Variants in TRPM3 observed in about 807,000 individuals in gnomAD.
The protein encoded by TRPM3 is long transient receptor potential channel 3.
TRPM3 carries 77 observed loss-of-function variants against 181.2 expected under a neutral mutation model. That is an observed-to-expected ratio of 0.42 (90% CI 0.35 to 0.51). The LOEUF (loss-of-function observed/expected upper bound fraction) is 0.51, where lower values mean the gene tolerates loss of function less well. Among genes scored for constraint, TRPM3 ranks in the 20% least tolerant of loss-of-function variants. The pLI is 0.01. For missense variants in TRPM3, 1,759 were observed against 2,196.7 expected (o/e 0.80, Z 3.98); for synonymous variants, 745 against 796.4 (o/e 0.94, Z 1.09).
intron 1 of TRPM3, among the ~76,000 whole-genome samples, chr9:70,902,507 A>T (rs979078162): frequency 6.6e-6 from 1 of 152,164 alleles, no homozygotes; most frequent in African/African-American, 2.4e-5. Context: ...AAAGAGACAC[A>T]TATTTGTTGC....
intron 1 of TRPM3, among the ~76,000 whole-genome samples, chr9:71,354,041 C>T (rs1483369199): frequency 6.6e-6 from 1 of 152,088 alleles, no homozygotes; most frequent in African/African-American, 2.4e-5. Flanking sequence ...AAGATCCAGG[C>T]CACTCATCAT....
intron 19 of TRPM3, among the ~76,000 whole-genome samples, chr9:70,606,647 G>GTA (rs1358278678): frequency 1.1e-3 from 90 of 85,310 alleles, no homozygotes; most frequent in African/African-American, 2.9e-3. Context: ...GTGTGTGTGT[G>GTA]TGTGTATATA....
intron 1 of TRPM3, among the ~76,000 whole-genome samples, chr9:71,021,742 C>T (rs1426986477): frequency 6.6e-6 from 1 of 152,026 alleles, no homozygotes; most frequent in East Asian, 1.9e-4. Flanking sequence ...GATGAAGCTT[C>T]CAGGATTCCT....
intron 1 of TRPM3, among the ~76,000 whole-genome samples, chr9:71,011,612 C>T (rs1777683055): frequency 1.3e-5 from 2 of 151,736 alleles, no homozygotes; most frequent in South Asian, 4.2e-4. Flanking sequence ...AGTATTTTCT[C>T]CAAATTTTAA....
intron 1 of TRPM3, among the ~76,000 whole-genome samples, chr9:70,898,602 G>T (rs1205965366): frequency 6.7e-6 from 1 of 150,364 alleles, no homozygotes; most frequent in Non-Finnish European, 1.5e-5. Context: ...ACAAAAATTA[G>T]CCAGGCATGT....
intron 1 of TRPM3, among the ~76,000 whole-genome samples, chr9:71,080,684 A>C (rs1467275548): frequency 6.6e-6 from 1 of 152,146 alleles, no homozygotes; most frequent in Admixed American, 6.5e-5. Flanking sequence ...TCTCTCCTTC[A>C]GGGTCCTAGG....
intron 8 of TRPM3, among the ~76,000 whole-genome samples, chr9:70,700,773 T>C (rs368046560): frequency 4.6e-4 from 70 of 152,342 alleles, no homozygotes; most frequent in African/African-American, 1.4e-3. Flanking sequence ...TTGCCTATCA[T>C]AGCAATAAGG....
chr9:71,176,324 T>C (rs2077105788), intron 1 of TRPM3, among the ~76,000 whole-genome samples: 1 of 152,144 alleles, frequency 6.6e-6, no homozygotes. Flanking sequence ...ATCCTGACCC[T>C]GTGCAGGCCT....
At chr9:71,402,518 T>C (rs2093360327) in intron 1 of TRPM3, among the ~76,000 whole-genome samples, 1 of 152,130 alleles carries the variant, frequency 6.6e-6, no homozygotes, top group Non-Finnish European at 1.5e-5. Flanking sequence ...GATAATCCAT[T>C]AACAGGCATT....
intron 1 of TRPM3, among the ~76,000 whole-genome samples, chr9:70,951,841 A>G (rs1671485177): frequency 2.0e-5 from 3 of 152,248 alleles, no homozygotes; most frequent in African/African-American, 7.2e-5. Flanking sequence ...CAAAGAAGCC[A>G]TATCGAGTCA....
intron 1 of TRPM3, among the ~76,000 whole-genome samples, chr9:71,364,126 A>C (rs1044904496): frequency 6.6e-6 from 1 of 152,156 alleles, no homozygotes; most frequent in Non-Finnish European, 1.5e-5. Flanking sequence ...AAACCAAAAC[A>C]AGAAAAAGGA....
chr9:70,998,172 C>T (rs12378248), intron 1 of TRPM3, among the ~76,000 whole-genome samples: 1 of 136,874 alleles, frequency 7.3e-6, no homozygotes, highest in African/African-American at 2.7e-5. Context: ...TACATATATA[C>T]ACATATATAT....
rs2041400328 is a variant in TRPM3 at position 70,534,919 on chromosome 9, G to A, written c.*1034C>T. 6.5e-6 allele frequency: 1 copy of A among 153,170 alleles called. No homozygotes were observed. The highest frequency in any genetic ancestry group is 1.5e-5 in the Non-Finnish European group (1 of 68,828). 9.5% of individuals were successfully genotyped at this position (153,170 alleles called of 1,614,324 possible). ...GCAGTTACGTCTTGGAGGTGTTCAG[G>A]AGGACGTGGTGGAGCCATGCAAATG... On this transcript the variant is annotated 3_prime_UTR_variant, in exon 26 of 26. Coordinates refer to ENST00000677713, the MANE Select transcript of TRPM3 (RefSeq NM_001366145.2).
chr9:71,021,249 A>G (rs573872654), intron 1 of TRPM3, among the ~76,000 whole-genome samples: 105 of 152,352 alleles, frequency 6.9e-4, no homozygotes, highest in African/African-American at 1.5e-3. Flanking sequence ...GAGGTAGTAC[A>G]TATGAGATTT....
intron 1 of TRPM3, among the ~76,000 whole-genome samples, chr9:71,308,665 G>T (rs2087618430): frequency 6.6e-6 from 1 of 152,136 alleles, no homozygotes; most frequent in Non-Finnish European, 1.5e-5. Flanking sequence ...GGGGTTTTTT[G>T]ACATAAATAG....
At chr9:70,894,786 A>G (rs994250569) in intron 1 of TRPM3, among the ~76,000 whole-genome samples, 2 of 152,230 alleles carry the variant, frequency 1.3e-5, no homozygotes, top group African/African-American at 4.8e-5. Flanking sequence ...TATCATAACA[A>G]CATCACTTAG....
intron 6 of TRPM3, among the ~76,000 whole-genome samples, chr9:70,805,208 TGA>T (rs1041382148): frequency 1.5e-5 from 1 of 67,460 alleles, no homozygotes; most frequent in Non-Finnish European, 2.9e-5. Context: ...GAGGGTGGGG[TGA>T]GAGAGAGACT....
intron 1 of TRPM3, among the ~76,000 whole-genome samples, chr9:71,220,777 G>C (rs1254259005): frequency 6.6e-6 from 1 of 152,050 alleles, no homozygotes; most frequent in Non-Finnish European, 1.5e-5. Context: ...GTCTACACAC[G>C]AAAATACCTG....
intron 1 of TRPM3, among the ~76,000 whole-genome samples, chr9:71,438,303 C>T (rs909634105): frequency 1.3e-5 from 2 of 152,208 alleles, no homozygotes; most frequent in Non-Finnish European, 1.5e-5. Flanking sequence ...CAAGTAAATA[C>T]AGTTCTAACT....
Sources: gnomAD v4.1 joint callset for allele counts (sites outside exome capture counted in the v4.1 genomes callset) on GRCh38, gnomAD v4.1.1 for gene constraint, MANE v1.5 for transcripts, NCBI Gene and HGNC (gene_info 2026-07-23, HGNC 2026-07-21) for gene names.